The following NRCAM variants were observed in gnomAD, a reference collection of about 807,000 sequenced individuals.
The protein encoded by NRCAM is neuronal cell adhesion molecule.
NRCAM carries 83 observed loss-of-function variants against 156.5 expected under a neutral mutation model. The ratio of observed to expected loss-of-function variants is 0.53; its 90% confidence interval spans 0.44 to 0.64. The LOEUF (loss-of-function observed/expected upper bound fraction) is 0.64. Among genes scored for constraint, NRCAM ranks in the 30% least tolerant of loss-of-function variants. The probability of loss-of-function intolerance (pLI) is 0.00; values close to 1 mark genes in which losing one functional copy is unlikely to be tolerated. For missense variants in NRCAM, 1,417 were observed against 1,597.3 expected (o/e 0.89, Z 1.92); for synonymous variants, 538 against 563.9 (o/e 0.95, Z 0.65).
chr7:108,394,345 G>A (rs1366827139), intron 2 of NRCAM, among the ~76,000 whole-genome samples: 3 of 152,264 alleles, frequency 2.0e-5, no homozygotes, highest in South Asian at 4.1e-4. Context: ...CTCAGGATGC[G>A]GCCCTGTGAA....
intron 32 of NRCAM, among the ~76,000 whole-genome samples, chr7:108,155,068 TAGA>T (rs1442246268): frequency 1.4e-5 from 2 of 144,794 alleles, no homozygotes; most frequent in East Asian, 2.1e-4. Flanking sequence ...CAAGAAGTCA[TAGA>T]AGATGATTTA....
intron 1 of NRCAM, among the ~76,000 whole-genome samples, chr7:108,409,562 G>C (rs951740467): frequency 6.6e-6 from 1 of 152,100 alleles, no homozygotes; most frequent in African/African-American, 2.4e-5. Context: ...CAGTCTCCAG[G>C]CACCAGGCCT....
intron 2 of NRCAM, among the ~76,000 whole-genome samples, chr7:108,330,523 T>C (rs1002504817): frequency 2.6e-5 from 4 of 152,222 alleles, no homozygotes; most frequent in African/African-American, 9.6e-5. Flanking sequence ...TGCCCGTTAC[T>C]TTGCGGCAGT....
At chr7:108,204,230 T>G (rs1309611296) in intron 13 of NRCAM, among the ~76,000 whole-genome samples, 3 of 152,216 alleles carry the variant, frequency 2.0e-5, no homozygotes, top group Admixed American at 1.3e-4. Context: ...TTTGGATAGT[T>G]TCTGCACCCC....
At chr7:108,336,362 T>C (rs186429658) in intron 2 of NRCAM, among the ~76,000 whole-genome samples, 4 of 152,186 alleles carry the variant, frequency 2.6e-5, no homozygotes, top group Non-Finnish European at 4.4e-5. Context: ...AATAAAATGA[T>C]AAAAAGCACA....
In NRCAM at chr7:108,456,433, G is replaced by A. The variant is rs1308554558; in HGVS notation, c.-522C>T. ...TCCGCCAGCGACCCTGGCGAAGCGA[G>A]GCTGGCCCCGCGCCGGCGCGCGCCC... On this transcript the variant is annotated 5_prime_UTR_variant, in exon 1 of 33. Transcript: ENST00000379028. The A allele has an allele frequency of 2.7e-5, 4 of 150,942 alleles. No individual in the cohort carries two copies. The highest frequency in any genetic ancestry group is 5.9e-5 in the Non-Finnish European group (4 of 67,558). The allele number at this position is 150,942 out of a possible 1,614,324, so 9.4% of individuals were successfully genotyped here. A position where few individuals can be genotyped will look rare whatever the true frequency, so the allele number is the denominator to read the frequency against.
intron 8 of NRCAM, among the ~76,000 whole-genome samples, chr7:108,230,237 A>G (rs938453966): frequency 2.6e-4 from 19 of 72,256 alleles, no homozygotes; most frequent in African/African-American, 9.3e-4. Context: ...TCCCACCCCC[A>G]CCCCAGTAAA....
rs2076110103 is a variant in NRCAM at position 108,198,160 on chromosome 7, C to T, written c.1208-61G>A. 1.5e-5 allele frequency: 20 copies of T among 1,372,820 alleles called. No homozygotes were observed. In the South Asian group the frequency reaches 2.4e-4, roughly 16 times the overall value. 85.0% of individuals were successfully genotyped at this position (1,372,820 alleles called of 1,614,324 possible). On this transcript the variant is annotated intron_variant, in intron 13 of 32. Coordinates refer to ENST00000379028, the MANE Select transcript of NRCAM (RefSeq NM_001037132.4). ...ATTTGCTTAAAAGATGTATATTAAG[C>T]TTGTAAAGTCAGTAGGACATAAATA...
chr7:108,394,778 G>C lies in NRCAM; in HGVS notation c.-174+4658C>G, dbSNP rs542194015. ...TTGGGTGAATAGAACCCTGTTAGTA[G>C]TTCTGCATCCTCAATCTTTTTTTTA... On this transcript the variant is annotated intron_variant, in intron 2 of 32. Transcript: ENST00000379028. 1.2e-3 allele frequency among the ~76,000 whole-genome samples: 181 copies of C among 152,238 alleles called. 1 individual carries two copies. Among genetic ancestry groups the C allele is most frequent in the East Asian group, 1.9e-3 (10 of 5,182 alleles).
At chr7:108,264,463 G>C (rs989468522) in intron 3 of NRCAM, among the ~76,000 whole-genome samples, 1 of 152,146 alleles carries the variant, frequency 6.6e-6, no homozygotes, top group Non-Finnish European at 1.5e-5. Flanking sequence ...GGACCTTAAG[G>C]TCTTGGGTCT....
intron 2 of NRCAM, among the ~76,000 whole-genome samples, chr7:108,356,790 G>A (rs2300029): frequency 0.2 from 29,841 of 151,816 alleles, 3,457 homozygotes; most frequent in East Asian, 0.44. Context: ...AGAGCCCTCT[G>A]CTATAATGAA....
chr7:108,335,566 T>C (rs2099176230), intron 2 of NRCAM, among the ~76,000 whole-genome samples: 1 of 151,796 alleles, frequency 6.6e-6, no homozygotes, highest in Non-Finnish European at 1.5e-5. Context: ...TGATCTCTCT[T>C]CTATTCCTTA....
intron 1 of NRCAM, among the ~76,000 whole-genome samples, chr7:108,453,149 T>C (rs1852425569): frequency 6.6e-6 from 1 of 152,200 alleles, no homozygotes; most frequent in African/African-American, 2.4e-5. Context: ...TAAATATTTA[T>C]TAAAGAATGA....
At chr7:108,210,838 T>C (rs2083813173) in intron 11 of NRCAM, among the ~76,000 whole-genome samples, 2 of 152,116 alleles carry the variant, frequency 1.3e-5, no homozygotes, top group Admixed American at 6.5e-5. Flanking sequence ...GAAAATATGG[T>C]CCAGGCCCTC....
At chr7:108,252,492 T>A (rs2096407805) in intron 3 of NRCAM, among the ~76,000 whole-genome samples, 1 of 152,252 alleles carries the variant, frequency 6.6e-6, no homozygotes, top group Non-Finnish European at 1.5e-5. Flanking sequence ...TTGAAAGATC[T>A]GAATGTATTC....
intron 15 of NRCAM, 83 bp from the exon 16 acceptor site, chr7:108,194,511 C>T (rs1368938497): frequency 1.1e-6 from 1 of 891,922 alleles, no homozygotes; most frequent in African/African-American, 1.7e-5. Context: ...TCAAGGTCAA[C>T]ATGACCATGA....
At chr7:108,415,821 G>A (rs538698522) in intron 1 of NRCAM, among the ~76,000 whole-genome samples, 1 of 152,372 alleles carries the variant, frequency 6.6e-6, no homozygotes, top group African/African-American at 2.4e-5. Flanking sequence ...GATGGAGGTT[G>A]CAGTGAGCTG....
chr7:108,255,513 C>A (rs1232623189), intron 3 of NRCAM, among the ~76,000 whole-genome samples: 1 of 152,174 alleles, frequency 6.6e-6, no homozygotes, highest in Non-Finnish European at 1.5e-5. Flanking sequence ...TCTCGGCTCG[C>A]TACAACCTCC....
At chr7:108,264,796 A>C (rs1477833298) in intron 3 of NRCAM, among the ~76,000 whole-genome samples, 1 of 152,068 alleles carries the variant, frequency 6.6e-6, no homozygotes, top group Non-Finnish European at 1.5e-5. Context: ...TTATTAATTG[A>C]CCTCGTTGAG....
Sources: allele counts gnomAD v4.1 joint callset (sites outside exome capture counted in the v4.1 genomes callset), GRCh38; gene constraint gnomAD v4.1.1; transcripts MANE v1.5; gene names NCBI Gene and HGNC (gene_info 2026-07-23, HGNC 2026-07-21).